The following SCNN1A variants were observed in gnomAD, a reference collection of about 807,000 sequenced individuals.
SCNN1A encodes the protein epithelial sodium channel subunit alpha.
SCNN1A carries 65 observed loss-of-function variants against 68.6 expected under a neutral mutation model. The observed-to-expected ratio is 0.95, with a 90% confidence interval of 0.78 to 1.16. The LOEUF is 1.16. SCNN1A is among the 50% of genes most tolerant of loss of function. SCNN1A has a pLI of 0.00. For synonymous variants in SCNN1A, 357 were observed against 353.3 expected (o/e 1.01, Z -0.12); for missense variants, 880 against 865.9 (o/e 1.02, Z -0.20).
chr12:6,374,445 G>C lies in SCNN1A; in HGVS notation c.339C>G (p.Pro113=), dbSNP rs770329720. 1.2e-6 allele frequency: 2 copies of C among 1,614,106 alleles called. No homozygotes were observed. The highest frequency in any genetic ancestry group is 2.7e-5 in the African/African-American group (2 of 74,934). ...GLLFGEYFSY[P]VSLNINLNSD... is the part of the protein sequence containing the mutation. ...AGTTGAGGTTGATGTTGAGGCTGAC[G>C]GGGTAGCTGAAGTACTCTCCGAAAA... The change falls in exon 2 of 13, where the codon CCC becomes CCG. Residue 113 remains proline, a synonymous_variant. Transcript: ENST00000228916. The surrounding 1 kb of genome is among the most constrained non-coding windows in gnomAD (Gnocchi z 6.2).
chr12:6,363,925 G>C (rs888784533), intron 2 of SCNN1A: 20 of 474,378 alleles, frequency 4.2e-5, no homozygotes, highest in South Asian at 3.7e-5. Flanking sequence ...GAGCCCAGCC[G>C]GGACACTGTG....
chr12:6,373,478 C>A (rs72645121), intron 2 of SCNN1A, among the ~76,000 whole-genome samples: 36 of 152,330 alleles, frequency 2.4e-4, no homozygotes, highest in African/African-American at 8.7e-4. Flanking sequence ...ATTCATGAAT[C>A]CATTTTGCCA....
At chr12:6,362,026 A>C (rs1565481818) in intron 4 of SCNN1A, 25 bp downstream of exon 4, 1 of 1,613,024 alleles carries the variant, frequency 6.2e-7, no homozygotes, top group Non-Finnish European at 8.5e-7. Flanking sequence ...CGCGGAGAGC[A>C]AGGAGCCAGG....
At chr12:6,375,341 T>C in intron 1 of SCNN1A, 164 bp downstream of exon 1, 1 of 1,443,452 alleles carries the variant, frequency 6.9e-7, no homozygotes, top group Non-Finnish European at 9.1e-7. Flanking sequence ...AGCTCCAGCC[T>C]CTGGCCCTGA....
At chr12:6,370,104 C>G (rs1355713091) in intron 2 of SCNN1A, among the ~76,000 whole-genome samples, 1 of 152,240 alleles carries the variant, frequency 6.6e-6, no homozygotes. Flanking sequence ...TCACTCCCAT[C>G]TGCTCTGGCA....
chr12:6,361,911 C>T (rs1223744597), intron 4 of SCNN1A, 140 bp downstream of exon 4: 4 of 921,732 alleles, frequency 4.3e-6, no homozygotes, highest in African/African-American at 1.6e-5. Flanking sequence ...GGGCCCAAAG[C>T]CAGTGCTTCC....
At chr12:6,375,319 C>G in intron 1 of SCNN1A, 186 bp downstream of exon 1, 1 of 1,441,854 alleles carries the variant, frequency 6.9e-7, no homozygotes, top group Non-Finnish European at 9.0e-7. Context: ...CCCCCTCTCA[C>G]TCTAGGCCCT....
chr12:6,376,048 C>G, upstream of SCNN1A: 1 of 993,484 alleles, frequency 1.0e-6, no homozygotes, highest in Non-Finnish European at 1.2e-6. Flanking sequence ...GGGGGGAGTC[C>G]CAAGTGTGCT....
At chr12:6,360,897 G>A (rs72645107) in intron 4 of SCNN1A, among the ~76,000 whole-genome samples, 321 of 152,352 alleles carry the variant, frequency 2.1e-3, no homozygotes, top group African/African-American at 7.4e-3. Flanking sequence ...GGGTAGTGGG[G>A]TGGGAAGAAT....
intron 4 of SCNN1A, among the ~76,000 whole-genome samples, chr12:6,359,764 C>CTTTTTT (rs59652159): frequency 1.4e-4 from 11 of 76,930 alleles, no homozygotes; most frequent in South Asian, 5.9e-4. Flanking sequence ...TCAGATATTC[C>CTTTTTT]TTTTTTTTTT....
rs1948817777 is a variant in SCNN1A at position 6,372,801 on chromosome 12, G to A, written c.416+1567C>T. Among the ~76,000 whole-genome samples the A allele has an allele frequency of 1.3e-5, 2 of 152,128 alleles. No individual in the cohort carries two copies. Among genetic ancestry groups the A allele is most frequent in the East Asian group, 1.9e-4 (1 of 5,186 alleles). ...AAGAGGAAGGACCCAAGAGAGCTCT[G>A]AAATGAGGCGGAAGCCACATCTGAC... On this transcript the variant is annotated intron_variant, in intron 2 of 12. Coordinates refer to ENST00000228916, the MANE Select transcript of SCNN1A (RefSeq NM_001038.6). This position sits in a 1 kb window ranked among gnomAD's most constrained non-coding sequence, Gnocchi z 5.8.
chr12:6,362,704 C>T (rs1948600359), intron 3 of SCNN1A, among the ~76,000 whole-genome samples: 1 of 151,232 alleles, frequency 6.6e-6, no homozygotes, highest in Admixed American at 6.6e-5. Context: ...TTTTGGCAGA[C>T]GAGCTCACTC....
rs72645110 is a variant in SCNN1A at position 6,362,143 on chromosome 12, C to T, written c.783G>A (p.Ser261=). The change falls in exon 4 of 13, where the codon TCG becomes TCA. Residue 261 remains serine, a synonymous_variant. Coordinates refer to ENST00000228916, the MANE Select transcript of SCNN1A (RefSeq NM_001038.6). ...WYRFHYINIL[S]RLPETLPSLE... is the part of the protein sequence containing the mutation. ...GGGATGGCAGAGTCTCTGGCAGCCT[C>T]GACAGGATGTTGATGTAGTGGAAGC... 1.8e-5 allele frequency: 29 copies of T among 1,614,082 alleles called. No homozygotes were observed. The highest frequency in any genetic ancestry group is 1.7e-4 in the Admixed American group (10 of 60,014).
chr12:6,370,695 C>T (rs938938378), intron 2 of SCNN1A, among the ~76,000 whole-genome samples: 1 of 152,210 alleles, frequency 6.6e-6, no homozygotes. Context: ...GGTCTGCCCG[C>T]CACGTCTGGG....
chr12:6,350,191 G>A (rs1948356571), intron 8 of SCNN1A, among the ~76,000 whole-genome samples: 1 of 151,046 alleles, frequency 6.6e-6, no homozygotes, highest in Non-Finnish European at 1.5e-5. Context: ...CCAGCACTTT[G>A]GGAGGCCGAG....
In SCNN1A at chr12:6,351,448, C is replaced by G. The variant is rs910782922; in HGVS notation, c.1361-2043G>C. Among the ~76,000 whole-genome samples, 4 of 151,930 alleles carry G rather than the reference C, an allele frequency of 2.6e-5. No individual in the cohort carries two copies. Among genetic ancestry groups the G allele is most frequent in the African/African-American group, 4.8e-5 (2 of 41,340 alleles). Reference sequence around the variant, plus strand: ...ACCAGCCTGACCAATATGGTGAAACCCCATCTCTACTAAAAAATACAAAAA... The same window carrying G: ...ACCAGCCTGACCAATATGGTGAAACGCCATCTCTACTAAAAAATACAAAAA... On this transcript the variant is annotated intron_variant, in intron 8 of 12. Transcript: ENST00000228916. This position sits in a 1 kb window ranked among gnomAD's most constrained non-coding sequence, Gnocchi z 4.2.
At chr12:6,354,187 C>T (rs1355969508) in intron 8 of SCNN1A, among the ~76,000 whole-genome samples, 1 of 151,792 alleles carries the variant, frequency 6.6e-6, no homozygotes, top group Non-Finnish European at 1.5e-5. Context: ...GCCGAGATCG[C>T]GCCACTGCTC....
rs1015892353 is a variant in SCNN1A, at chr12:6,357,867, A to G, written c.876-1987T>C. ...TACAAAATTAGCCGGGCACGGCGGC[A>G]CATGCCTGTAATCCCAGCTACTCAG... On this transcript the variant is annotated intron_variant, in intron 4 of 12. Coordinates refer to ENST00000228916, the MANE Select transcript of SCNN1A (RefSeq NM_001038.6). 4.6e-5 allele frequency among the ~76,000 whole-genome samples: 7 copies of G among 152,316 alleles called. No homozygotes were observed. In the East Asian group the frequency reaches 7.7e-4, roughly 17 times the overall value.
At chr12:6,375,162 T>C in intron 1 of SCNN1A, 5 of 1,460,530 alleles carry the variant, frequency 3.4e-6, no homozygotes, top group Non-Finnish European at 3.6e-6. Context: ...CCTTTGGTCT[T>C]CTTCCTCCAG....
Sources: allele counts gnomAD v4.1 joint callset (sites outside exome capture counted in the v4.1 genomes callset), GRCh38; gene constraint gnomAD v4.1.1; non-coding constraint Gnocchi (gnomAD v3.1); transcripts MANE v1.5; gene names NCBI Gene and HGNC (gene_info 2026-07-23, HGNC 2026-07-21).